The following IL15RA variants were observed in gnomAD, a reference collection of about 807,000 sequenced individuals.
IL15RA encodes interleukin-15 receptor subunit alpha.
IL15RA carries 26 observed loss-of-function variants against 24.2 expected under a neutral mutation model. The observed-to-expected ratio is 1.07, with a 90% CI of 0.79 to 1.49. The LOEUF (loss-of-function observed/expected upper bound fraction) is 1.49. Ranked by LOEUF, IL15RA falls within the 40% of genes most tolerant of loss-of-function variation. The probability of loss-of-function intolerance (pLI) is 0.00; values close to 1 mark genes in which losing one functional copy is unlikely to be tolerated. For synonymous variants in IL15RA, 166 were observed against 157.6 expected (o/e 1.05, Z -0.40); for missense variants, 354 against 356.4 (o/e 0.99, Z 0.05).
rs2228059 is a variant in IL15RA, at chr10:5,960,405, T to G, written c.545A>C (p.Asn182Thr). ...GGAGGCGGATGCTGTGAGTTCCCAG[T>G]TCTTGGCTGTTGTCTGAGAGGGGGT... ...HGTPSQTTAK[N>T]WELTASASHQ... The change falls in exon 4 of 7, where the codon AAC (asparagine) becomes ACC (threonine). Residue 182 changes from asparagine to threonine, a missense_variant. Coordinates refer to ENST00000379977, the MANE Select transcript of IL15RA (RefSeq NM_002189.4). This position sits in a 1 kb window ranked among gnomAD's most constrained non-coding sequence, Gnocchi z 5.1. The G allele has an allele frequency of 0.5, 814,581 of 1,613,568 alleles. 208,485 individuals are homozygous for G. The highest frequency in any genetic ancestry group is 0.71 in the African/African-American group (53,391 of 74,890).
upstream of IL15RA, chr10:5,977,929 T>C (rs1838709761): frequency 8.1e-6 from 2 of 246,602 alleles, no homozygotes; most frequent in Non-Finnish European, 1.6e-5. Context: ...CGGATCCACT[T>C]GACCTCGCCC....
Position 5,960,307 on chromosome 10 carries a change from C to A in IL15RA, c.583+60G>T. 1 of 1,450,330 alleles carries A rather than the reference C, an allele frequency of 6.9e-7. No homozygotes were observed. The highest frequency in any genetic ancestry group is 1.1e-5 in the South Asian group (1 of 87,308). 89.8% of individuals were successfully genotyped at this position (1,450,330 alleles called of 1,614,324 possible). On this transcript the variant is annotated intron_variant, in intron 4 of 6. Transcript: ENST00000379977. The surrounding 1 kb of genome is among the most constrained non-coding windows in gnomAD (Gnocchi z 5.1). Reference sequence around the variant, plus strand: ...AAAGCTGCCTTGTGCCGGATCTCAGCCCCGATCTCAGAAGCAGCAATGGGG... The same window carrying A: ...AAAGCTGCCTTGTGCCGGATCTCAGACCCGATCTCAGAAGCAGCAATGGGG...
rs1011730381 is a variant in IL15RA at position 5,962,762 on chromosome 10, C to T, written c.382+981G>A. On this transcript the variant is annotated intron_variant, in intron 3 of 6. Coordinates refer to ENST00000379977, the MANE Select transcript of IL15RA (RefSeq NM_002189.4). This position sits in a 1 kb window ranked among gnomAD's most constrained non-coding sequence, Gnocchi z 5.2. The stretch of plus-strand genomic sequence containing the variant: ...TATGAATGACAACAGACAGGCCCAT[C>T]CCCCCGGGGGCAAAGGAGTAGACAG... Among the ~76,000 whole-genome samples, 1 of 152,032 alleles carries T rather than the reference C, an allele frequency of 6.6e-6. No individual in the cohort carries two copies. Among genetic ancestry groups the T allele is most frequent in the Non-Finnish European group, 1.5e-5 (1 of 68,012 alleles).
exon 7 of IL15RA, chr10:5,952,376 TTTAAAAATA>T (rs1833944087): frequency 6.5e-6 from 1 of 152,766 alleles, no homozygotes; most frequent in Non-Finnish European, 1.5e-5. Flanking sequence ...CTTAATGCAT[TTTAAAAATA>T]TTGAAAATAG....
chr10:5,963,955 T>TGGCTTCC lies in IL15RA; in HGVS notation c.284-121_284-115dup. ...CACATGAACTTACAGTGGAGGCCTC[T>TGGCTTCC]GGCTTCCTCAGACAGGTTAAAAGCA... On this transcript the variant is annotated intron_variant, in intron 2 of 6. Coordinates refer to ENST00000379977, the MANE Select transcript of IL15RA (RefSeq NM_002189.4). The surrounding 1 kb of genome is among the most constrained non-coding windows in gnomAD (Gnocchi z 5.3). The TGGCTTCC allele has an allele frequency of 1.6e-6, 1 of 633,368 alleles. No individual in the cohort carries two copies. The highest frequency in any genetic ancestry group is 2.7e-6 in the Non-Finnish European group (1 of 368,292). The allele number at this position is 633,368 out of a possible 1,614,324, so 39.2% of individuals were successfully genotyped here.
Position 5,960,332 on chromosome 10 carries a change from G to A in IL15RA, c.583+35C>T, listed in dbSNP as rs748396735. 2.5e-6 allele frequency: 4 copies of A among 1,582,284 alleles called. No individual in the cohort carries two copies. Among genetic ancestry groups the A allele is most frequent in the Middle Eastern group, 1.7e-4 (1 of 5,896 alleles). ...CCCCGATCTCAGAAGCAGCAATGGGGAACTGACCTCTCCTGGGGCAAAGCG... is the reference window on the plus strand; with the variant it reads ...CCCCGATCTCAGAAGCAGCAATGGGAAACTGACCTCTCCTGGGGCAAAGCG... On this transcript the variant is annotated intron_variant, in intron 4 of 6. Transcript: ENST00000379977. This position sits in a 1 kb window ranked among gnomAD's most constrained non-coding sequence, Gnocchi z 5.1.
upstream of IL15RA, among the ~76,000 whole-genome samples, chr10:5,978,626 G>C (rs924125084): frequency 6.6e-6 from 1 of 152,158 alleles, no homozygotes; most frequent in East Asian, 1.9e-4. This position sits in a 1 kb window ranked among gnomAD's most constrained non-coding sequence, Gnocchi z 5.2. Context: ...GCCGAGCGCG[G>C]TGGCCACTCC....
At position 5,960,293 on chromosome 10, in the gene IL15RA, G is replaced by A; in HGVS notation, c.583+74C>T. ...TGGATTGATGGTATAAAGCTGCCTT[G>A]TGCCGGATCTCAGCCCCGATCTCAG... On this transcript the variant is annotated intron_variant, in intron 4 of 6. Coordinates refer to ENST00000379977, the MANE Select transcript of IL15RA (RefSeq NM_002189.4). The surrounding 1 kb of genome is among the most constrained non-coding windows in gnomAD (Gnocchi z 5.1). 1 of 1,349,806 alleles carries A rather than the reference G, an allele frequency of 7.4e-7. No individual in the cohort carries two copies. Among genetic ancestry groups the A allele is most frequent in the Non-Finnish European group, 1.1e-6 (1 of 943,300 alleles). 83.6% of individuals were successfully genotyped at this position (1,349,806 alleles called of 1,614,324 possible).
At chr10:5,957,582 C>A (rs1589166169) in intron 5 of IL15RA, among the ~76,000 whole-genome samples, 1 of 141,826 alleles carries the variant, frequency 7.1e-6, no homozygotes, top group South Asian at 2.2e-4. Flanking sequence ...CCAACTTTTT[C>A]TTTTCTTCTT....
rs1158691400 is a variant in IL15RA, at chr10:5,975,104, A to C, written c.88+2301T>G. ...TTCTCTACCCATGAGAAATGAAAAC[A>C]TGTGTCCATACAGAAACCTGTATGT... On this transcript the variant is annotated intron_variant, in intron 1 of 6. Transcript: ENST00000379977. The surrounding 1 kb of genome is among the most constrained non-coding windows in gnomAD (Gnocchi z 4.8). Among the ~76,000 whole-genome samples, 2 of 151,976 alleles carry C rather than the reference A, an allele frequency of 1.3e-5. No homozygotes were observed. Among genetic ancestry groups the C allele is most frequent in the African/African-American group, 4.8e-5 (2 of 41,368 alleles).
intron 1 of IL15RA, chr10:5,969,078 CTGTT>C (rs1837121321): frequency 1.2e-5 from 13 of 1,107,076 alleles, no homozygotes; most frequent in Middle Eastern, 2.3e-4. Context: ...ATCTATGTGT[CTGTT>C]TGTTTTGACA....
chr10:5,978,133 C>A (rs1838741365), upstream of IL15RA: 1 of 152,222 alleles, frequency 6.6e-6, no homozygotes. This position sits in a 1 kb window ranked among gnomAD's most constrained non-coding sequence, Gnocchi z 5.2. Context: ...TCCCGCGGCC[C>A]CCGGCGCCCG....
In IL15RA at chr10:5,958,132, T is replaced by A. The variant is rs1273102732; in HGVS notation, c.616+1622A>T. The A allele has an allele frequency of 1.1e-5, 3 of 275,358 alleles. No individual in the cohort carries two copies. Among genetic ancestry groups the A allele is most frequent in the Non-Finnish European group, 2.2e-5 (3 of 134,054 alleles). The allele number at this position is 275,358 out of a possible 1,614,324, so 17.1% of individuals were successfully genotyped here. A position where few individuals can be genotyped will look rare whatever the true frequency, so the allele number is the denominator to read the frequency against. On this transcript the variant is annotated intron_variant, in intron 5 of 6. Transcript: ENST00000379977. This position sits in a 1 kb window ranked among gnomAD's most constrained non-coding sequence, Gnocchi z 4.3. ...GGGTTGGCTAAATTAATGGTAGGAATTCCATACAGTGGAATATTCTGTAGC... is the reference window on the plus strand; with the variant it reads ...GGGTTGGCTAAATTAATGGTAGGAAATCCATACAGTGGAATATTCTGTAGC...
In IL15RA at chr10:5,963,577, GA is replaced by G. The variant is rs1835960406; in HGVS notation, c.382+165del. ...TATCAAGCAACTTTGATTTGAAAAA[GA>G]AAATTAAGTTGGACGTTCTTATTCT... On this transcript the variant is annotated intron_variant, in intron 3 of 6. Transcript: ENST00000379977. This position sits in a 1 kb window ranked among gnomAD's most constrained non-coding sequence, Gnocchi z 5.3. Among the ~76,000 whole-genome samples, 1 of 152,208 alleles carries G rather than the reference GA, an allele frequency of 6.6e-6. No individual in the cohort carries two copies. The highest frequency in any genetic ancestry group is 1.5e-5 in the Non-Finnish European group (1 of 68,018).
Position 5,977,463 on chromosome 10 carries a change from C to T in IL15RA, c.30G>A (p.Arg10=). MAPRRARGC[R]TLGLPALLLL... ...GTAGCAGCGCCGGGAGACCGAGGGT[C>T]CGGCAGCCGCGCGCCCGCCGCGGGG... The change falls in exon 1 of 7, where the codon CGG becomes CGA. Residue 10 remains arginine, a synonymous_variant. Transcript: ENST00000379977. The T allele has an allele frequency of 7.3e-7, 1 of 1,361,638 alleles. No homozygotes were observed. Among genetic ancestry groups the T allele is most frequent in the East Asian group, 3.1e-5 (1 of 32,358 alleles). 84.3% of individuals were successfully genotyped at this position (1,361,638 alleles called of 1,614,324 possible).
chr10:5,966,849 G>C lies in IL15RA; in HGVS notation c.89-510C>G, dbSNP rs1836640305. On this transcript the variant is annotated intron_variant, in intron 1 of 6. Transcript: ENST00000379977. The surrounding 1 kb of genome is among the most constrained non-coding windows in gnomAD (Gnocchi z 6.4). ...TAGCCGGGCGTGGTGGCAGGCGCCTGTAATCCCAGCTACTGGGGAGGCTGA... is the reference window on the plus strand; with the variant it reads ...TAGCCGGGCGTGGTGGCAGGCGCCTCTAATCCCAGCTACTGGGGAGGCTGA... Among the ~76,000 whole-genome samples the C allele has an allele frequency of 6.6e-6, 1 of 152,102 alleles. No homozygotes were observed. The highest frequency in any genetic ancestry group is 2.4e-5 in the African/African-American group (1 of 41,440).
chr10:5,973,524 C>T lies in IL15RA; in HGVS notation c.88+3881G>A, dbSNP rs1226045646. Among the ~76,000 whole-genome samples, 4 of 152,126 alleles carry T rather than the reference C, an allele frequency of 2.6e-5. No homozygotes were observed. Among genetic ancestry groups the T allele is most frequent in the African/African-American group, 4.8e-5 (2 of 41,410 alleles). On this transcript the variant is annotated intron_variant, in intron 1 of 6. Transcript: ENST00000379977. This position sits in a 1 kb window ranked among gnomAD's most constrained non-coding sequence, Gnocchi z 4.5. Reference sequence around the variant, plus strand: ...AACCAACTTAGACACATATGGCTGACTGATGTTCAAAAGGTATAAGAGAAG... The same window carrying T: ...AACCAACTTAGACACATATGGCTGATTGATGTTCAAAAGGTATAAGAGAAG...
Position 5,966,187 on chromosome 10 carries a change from T to C in IL15RA, c.241A>G (p.Thr81Ala). The change falls in exon 2 of 7, where the codon ACG becomes GCG. Residue 81 changes from threonine to alanine, a missense_variant. Transcript: ENST00000379977. The surrounding 1 kb of genome is among the most constrained non-coding windows in gnomAD (Gnocchi z 6.4). Reference sequence around the variant, plus strand: ...GGGGTTGTCCAGTGGGCGACATTCGTGGCCTTGTTCAACACGCACTCCGTC... The same window carrying C: ...GGGGTTGTCCAGTGGGCGACATTCGCGGCCTTGTTCAACACGCACTCCGTC... ...SLTECVLNKA[T>A]NVAHWTTPSL... The C allele has an allele frequency of 6.2e-7, 1 of 1,613,220 alleles. No individual in the cohort carries two copies. Among genetic ancestry groups the C allele is most frequent in the Non-Finnish European group, 8.5e-7 (1 of 1,179,200 alleles).
At position 5,965,777 on chromosome 10, in the gene IL15RA, G is replaced by A. The variant is rs1223850283; in HGVS notation, c.283+368C>T. On this transcript the variant is annotated intron_variant, in intron 2 of 6. Transcript: ENST00000379977. This position sits in a 1 kb window ranked among gnomAD's most constrained non-coding sequence, Gnocchi z 5.8. Reference sequence around the variant, plus strand: ...GCTGTGTCACCCAGGCTGGAGTGCAGTGGTGTGATCGCGGCTCACTGTGAC... The same window carrying A: ...GCTGTGTCACCCAGGCTGGAGTGCAATGGTGTGATCGCGGCTCACTGTGAC... Among the ~76,000 whole-genome samples, 1 of 152,184 alleles carries A rather than the reference G, an allele frequency of 6.6e-6. No individual in the cohort carries two copies. Among genetic ancestry groups the A allele is most frequent in the Non-Finnish European group, 1.5e-5 (1 of 68,036 alleles).
Sources: gnomAD v4.1 joint callset for allele counts (sites outside exome capture counted in the v4.1 genomes callset) on GRCh38, gnomAD v4.1.1 for gene constraint, Gnocchi (gnomAD v3.1) non-coding constraint, MANE v1.5 for transcripts, NCBI Gene and HGNC (gene_info 2026-07-23, HGNC 2026-07-21) for gene names.